ARSB: variants seen among roughly 807,000 people sequenced by gnomAD.
ARSB encodes the protein N-acetylgalactosamine-4-sulfatase.
A neutral mutation model predicts 50.9 loss-of-function variants in ARSB; 41 were observed. The ratio of observed to expected loss-of-function variants is 0.81; its 90% CI spans 0.63 to 1.04. ARSB has a LOEUF of 1.04. ARSB is among the 50% of genes least tolerant of loss of function. The pLI is 0.00. For missense variants in ARSB, 672 were observed against 693.3 expected (o/e 0.97, Z 0.35); for synonymous variants, 269 against 284.8 (o/e 0.94, Z 0.56).
chr5:78,787,138 A>ATCTATCTATCTATC (rs3035252), intron 6 of ARSB, among the ~76,000 whole-genome samples: 268 of 112,272 alleles, frequency 2.4e-3, no homozygotes, highest in Middle Eastern at 0.019. Context: ...ATCTATCTAT[A>ATCTATCTATCTATC]TAGATACAGG....
intron 5 of ARSB, among the ~76,000 whole-genome samples, chr5:78,841,155 ACTACTACTAC>A (rs1745183786): frequency 7.6e-6 from 1 of 131,810 alleles, no homozygotes; most frequent in Non-Finnish European, 1.6e-5. Flanking sequence ...TACTACTACT[ACTACTACTAC>A]TACTAATAAT....
In ARSB at chr5:78,833,691, C is replaced by A. The variant is rs369624097; in HGVS notation, c.1213+5665G>T. Among the ~76,000 whole-genome samples the A allele has an allele frequency of 1.2e-4, 18 of 152,254 alleles. No homozygotes were observed. The East Asian group carries it at 1.5e-3, about 13-fold the overall frequency. On this transcript the variant is annotated intron_variant, in intron 6 of 7. Transcript: ENST00000264914. ...CTCAGAACAGCAAGAAGAGGCAGAG[C>A]CCCAGACTCAGAGGGAAGTCAGGCC...
At chr5:78,828,319 T>C (rs1041989393) in intron 6 of ARSB, among the ~76,000 whole-genome samples, 1 of 152,216 alleles carries the variant, frequency 6.6e-6, no homozygotes. Context: ...GCTTCCCTGC[T>C]GCATACAGGA....
chr5:78,864,250 G>T (rs1179514658), intron 5 of ARSB, among the ~76,000 whole-genome samples: 3 of 152,126 alleles, frequency 2.0e-5, no homozygotes, highest in Non-Finnish European at 4.4e-5. Flanking sequence ...AAAGAAAGAG[G>T]ATTAATTGGA....
At chr5:78,825,169 G>A (rs1472003849) in intron 6 of ARSB, among the ~76,000 whole-genome samples, 1 of 152,164 alleles carries the variant, frequency 6.6e-6, no homozygotes, top group Non-Finnish European at 1.5e-5. Flanking sequence ...CTGCACAATG[G>A]AAGAGTTGAT....
intron 4 of ARSB, among the ~76,000 whole-genome samples, chr5:78,891,870 A>G (rs1748309542): frequency 6.6e-6 from 1 of 152,186 alleles, no homozygotes; most frequent in Non-Finnish European, 1.5e-5. Flanking sequence ...TTTTATGACC[A>G]TCATCACTTT....
intron 4 of ARSB, among the ~76,000 whole-genome samples, chr5:78,944,642 T>C (rs1751125317): frequency 6.6e-6 from 1 of 152,176 alleles, no homozygotes; most frequent in Non-Finnish European, 1.5e-5. Context: ...TCTGGAAGTT[T>C]TGTCTCAGAG....
At chr5:78,818,759 A>G (rs1273410661) in intron 6 of ARSB, among the ~76,000 whole-genome samples, 1 of 151,826 alleles carries the variant, frequency 6.6e-6, no homozygotes, top group Non-Finnish European at 1.5e-5. Context: ...CTGGGACTTC[A>G]GGCGCCCGCT....
At position 78,985,020 on chromosome 5, in the gene ARSB, C is replaced by G. The variant is rs1179078761; in HGVS notation, c.229G>C (p.Ala77Pro). 1.3e-6 allele frequency: 2 copies of G among 1,540,502 alleles called. No homozygotes were observed. ...TAGTTGTCCAGGAGCACCCCGCCGG[C>G]CGCCAGCGCGTCCAGGTGCGGCGTG... ...IRTPHLDALA[A>P]GGVLLDNYYT... The change falls in exon 1 of 8, where the codon GCC becomes CCC. Residue 77 changes from alanine to proline, a missense_variant. Coordinates refer to ENST00000264914, the MANE Select transcript of ARSB (RefSeq NM_000046.5).
chr5:78,846,951 G>C (rs1745472239), intron 5 of ARSB, among the ~76,000 whole-genome samples: 1 of 152,058 alleles, frequency 6.6e-6, no homozygotes, highest in African/African-American at 2.4e-5. Context: ...TGAGTGTTTT[G>C]ATTATGAAGC....
At chr5:78,881,323 G>GA (rs1315439735) in intron 5 of ARSB, among the ~76,000 whole-genome samples, 1 of 151,354 alleles carries the variant, frequency 6.6e-6, no homozygotes, top group African/African-American at 2.4e-5. Flanking sequence ...TTGAAGCTGA[G>GA]AAAAATATTT....
At chr5:78,904,712 G>T (rs1748966106) in intron 4 of ARSB, among the ~76,000 whole-genome samples, 1 of 143,604 alleles carries the variant, frequency 7.0e-6, no homozygotes. Flanking sequence ...TTTTGAGAGA[G>T]GGTCTCACTC....
chr5:78,914,421 G>A (rs1456106222), intron 4 of ARSB, among the ~76,000 whole-genome samples: 2 of 152,124 alleles, frequency 1.3e-5, no homozygotes, highest in Non-Finnish European at 2.9e-5. Flanking sequence ...AAGTTAGAAA[G>A]TATTATTTTA....
At chr5:78,968,878 AT>A in intron 2 of ARSB, 127 bp downstream of exon 2, 2 of 1,097,078 alleles carry the variant, frequency 1.8e-6, no homozygotes, top group East Asian at 2.4e-5. Context: ...AAGCAGCCCC[AT>A]TACAGTGCCG....
intron 6 of ARSB, among the ~76,000 whole-genome samples, chr5:78,793,092 C>G (rs1743035050): frequency 1.4e-5 from 2 of 147,510 alleles, no homozygotes; most frequent in Admixed American, 1.3e-4. Context: ...CTTAGTCTAG[C>G]CCAGCTGAGC....
At chr5:78,913,194 C>T (rs972855935) in intron 4 of ARSB, among the ~76,000 whole-genome samples, 5 of 151,804 alleles carry the variant, frequency 3.3e-5, no homozygotes, top group African/African-American at 9.7e-5. Context: ...GCGCGATCTC[C>T]GCTCACTGCA....
At chr5:78,831,337 TC>T (rs1204716896) in intron 6 of ARSB, among the ~76,000 whole-genome samples, 2 of 151,400 alleles carry the variant, frequency 1.3e-5, no homozygotes, top group African/African-American at 4.9e-5. Flanking sequence ...AGCTCCCTCA[TC>T]CCCCCAGCAC....
intron 3 of ARSB, among the ~76,000 whole-genome samples, chr5:78,959,804 AAG>A (rs566599613): frequency 6.6e-6 from 1 of 152,214 alleles, no homozygotes; most frequent in Non-Finnish European, 1.5e-5. Context: ...AAAAAAGAGA[AAG>A]AGTAGTGTTT....
chr5:78,793,801 G>C (rs1355792645), intron 6 of ARSB, among the ~76,000 whole-genome samples: 1 of 152,188 alleles, frequency 6.6e-6, no homozygotes, highest in Non-Finnish European at 1.5e-5. Flanking sequence ...ACCTTGATTA[G>C]TCTAGGGAAA....
Sources: allele counts gnomAD v4.1 joint callset (sites outside exome capture counted in the v4.1 genomes callset), GRCh38; gene constraint gnomAD v4.1.1; transcripts MANE v1.5; gene names NCBI Gene and HGNC (gene_info 2026-07-23, HGNC 2026-07-21).